HYDIN: variants seen among roughly 807,000 people sequenced by gnomAD.
The protein encoded by HYDIN is axonemal central pair apparatus protein HYDIN.
In HYDIN, 132 loss-of-function variants were observed where a neutral mutation model predicts 403.9. The observed-to-expected ratio is 0.33, with a 90% CI of 0.28 to 0.38. The LOEUF (loss-of-function observed/expected upper bound fraction) is 0.38. Among genes scored for constraint, HYDIN ranks in the 10% least tolerant of loss-of-function variants. The pLI is 1.00. For missense variants in HYDIN, 2,827 were observed against 5,009.5 expected, an observed-to-expected ratio of 0.56 and a Z score of 13.15; for synonymous variants, 1,202 against 1,891.7, an observed-to-expected ratio of 0.64 and a Z score of 9.46.
chr16:71,072,331 T>C (rs1348385824), intron 13 of HYDIN, among the ~76,000 whole-genome samples: 6 of 149,940 alleles, frequency 4.0e-5, no homozygotes, highest in Non-Finnish European at 8.9e-5. Flanking sequence ...TGTGAGTCTC[T>C]GGAATATATG....
rs1405954271 is a variant in HYDIN, at chr16:70,925,942, A to T, written c.7159-4725T>A. On this transcript the variant is annotated intron_variant, in intron 45 of 85. Coordinates refer to ENST00000393567, the MANE Select transcript of HYDIN (RefSeq NM_001270974.2). ...TCTCACACCAGTTAGAATGGCAATC[A>T]TTAAAAAGTCAGGAAACAACAGGTG... Among the ~76,000 whole-genome samples, 16 of 149,390 alleles carry T rather than the reference A, an allele frequency of 1.1e-4. No individual in the cohort carries two copies. In the South Asian group the frequency reaches 3.0e-3, roughly 28 times the overall value.
intron 1 of HYDIN, among the ~76,000 whole-genome samples, chr16:71,225,978 C>T (rs904896237): frequency 2.0e-5 from 3 of 152,136 alleles, no homozygotes; most frequent in Admixed American, 6.5e-5. Context: ...TGCTAAGATG[C>T]CAATTCTCCC....
intron 18 of HYDIN, among the ~76,000 whole-genome samples, chr16:71,054,736 C>T (rs1239345986): frequency 6.6e-6 from 1 of 150,814 alleles, no homozygotes; most frequent in Non-Finnish European, 1.5e-5. Flanking sequence ...TTCTGTTTGT[C>T]TATTTCTTTT....
chr16:70,861,997 C>T (rs1272021659), intron 69 of HYDIN, 51 bp downstream of exon 69: 1 of 1,491,860 alleles, frequency 6.7e-7, no homozygotes, highest in African/African-American at 1.5e-5. Flanking sequence ...ATAAGAGCCA[C>T]AGAGCTTTGT....
chr16:71,230,399 G>C (rs987657576), intron 1 of HYDIN, among the ~76,000 whole-genome samples, 163 bp downstream of exon 1: 1 of 152,158 alleles, frequency 6.6e-6, no homozygotes, highest in Non-Finnish European at 1.5e-5. Context: ...TAACTTTCAT[G>C]GGAGTGAGAA....
chr16:70,967,732 C>T (rs1297252716), intron 36 of HYDIN, among the ~76,000 whole-genome samples: 1 of 152,122 alleles, frequency 6.6e-6, no homozygotes, highest in African/African-American at 2.4e-5. Flanking sequence ...GTGATCCACC[C>T]GCCTTGGCCT....
intron 23 of HYDIN, among the ~76,000 whole-genome samples, chr16:70,997,996 C>G (rs1316299993): frequency 6.6e-6 from 1 of 152,084 alleles, no homozygotes; most frequent in Non-Finnish European, 1.5e-5. Flanking sequence ...TCAGGCCTTG[C>G]ATCTGGGCTT....
chr16:71,209,542 C>G (rs1438426561), intron 1 of HYDIN, among the ~76,000 whole-genome samples: 1 of 151,968 alleles, frequency 6.6e-6, no homozygotes, highest in Non-Finnish European at 1.5e-5. Flanking sequence ...CCAGAGCAAT[C>G]AGGCAAGAGA....
At chr16:70,988,873 GA>G (rs1204367880) in intron 25 of HYDIN, among the ~76,000 whole-genome samples, 5 of 149,628 alleles carry the variant, frequency 3.3e-5, no homozygotes, top group Middle Eastern at 3.4e-3. Flanking sequence ...TCATGTGTCT[GA>G]AGGTGTGTGT....
chr16:71,118,493 A>C (rs1306199253), intron 9 of HYDIN, among the ~76,000 whole-genome samples: 1 of 151,972 alleles, frequency 6.6e-6, no homozygotes, highest in East Asian at 1.9e-4. Context: ...CAGTTTGCAC[A>C]CTGTGTAGTC....
rs1258044581 is a variant in HYDIN at position 70,802,924 on chromosome 16, C to T, written c.*4656G>A. 1.3e-5 allele frequency: 2 copies of T among 152,112 alleles called. No homozygotes were observed. Among genetic ancestry groups the T allele is most frequent in the African/African-American group, 4.8e-5 (2 of 41,412 alleles). The allele number at this position is 152,112 out of a possible 1,614,324, so 9.4% of individuals were successfully genotyped here. On this transcript the variant is annotated 3_prime_UTR_variant, in exon 86 of 86. Coordinates refer to ENST00000393567, the MANE Select transcript of HYDIN (RefSeq NM_001270974.2). ...GTAGTAGTGCTGCCAAGGACATCTC[C>T]AAATGTCTTGCAAAGTTTGGTTTTA...
At chr16:70,885,837 C>T (rs544008907) in intron 58 of HYDIN, among the ~76,000 whole-genome samples, 1 of 152,086 alleles carries the variant, frequency 6.6e-6, no homozygotes, top group African/African-American at 2.4e-5. Flanking sequence ...CAAGTGGAAA[C>T]CACTTGAAAA....
Position 70,868,744 on chromosome 16 carries a change from G to C in HYDIN, c.11136C>G (p.Thr3712=). Reference sequence around the variant, plus strand: ...GGTTGATGGGTACATCTGACTTCATGGTCACCACTATGTCCTTGGCACACC... The same window carrying C: ...GGTTGATGGGTACATCTGACTTCATCGTCACCACTATGTCCTTGGCACACC... The part of the protein sequence containing the change: ...HPGCAKDIVV[T]MKSDVPINLK... The change falls in exon 66 of 86, where the codon ACC becomes ACG. Residue 3712 remains threonine (T), a synonymous_variant. Coordinates refer to ENST00000393567, the MANE Select transcript of HYDIN (RefSeq NM_001270974.2). The C allele has an allele frequency of 1.2e-6, 2 of 1,613,984 alleles. No individual in the cohort carries two copies. The highest frequency in any genetic ancestry group is 1.7e-6 in the Non-Finnish European group (2 of 1,179,990).
intron 1 of HYDIN, among the ~76,000 whole-genome samples, chr16:71,219,475 T>C (rs1411862604): frequency 4.6e-5 from 7 of 152,184 alleles, no homozygotes; most frequent in Non-Finnish European, 1.0e-4. Flanking sequence ...GGATTTGGTA[T>C]TCATATTAAG....
intron 18 of HYDIN, among the ~76,000 whole-genome samples, chr16:71,059,319 T>C (rs2082005619): frequency 6.6e-6 from 1 of 152,026 alleles, no homozygotes; most frequent in South Asian, 2.1e-4. Flanking sequence ...TTTTTGCATA[T>C]GGTGTGAGGA....
intron 57 of HYDIN, among the ~76,000 whole-genome samples, chr16:70,890,098 A>G (rs1449074956): frequency 1.3e-5 from 2 of 152,240 alleles, no homozygotes; most frequent in Non-Finnish European, 2.9e-5. Flanking sequence ...GTATCTTCAC[A>G]TTTATAGTTG....
chr16:70,881,248 G>C (rs1471795731), intron 60 of HYDIN, among the ~76,000 whole-genome samples: 1 of 133,758 alleles, frequency 7.5e-6, no homozygotes, highest in Admixed American at 7.1e-5. Context: ...AAAAAAATCA[G>C]TCTTCCTCAC....
intron 40 of HYDIN, among the ~76,000 whole-genome samples, chr16:70,954,639 T>C (rs2078176070): frequency 6.6e-6 from 1 of 152,108 alleles, no homozygotes; most frequent in South Asian, 2.1e-4. Flanking sequence ...TCCCTCTTAC[T>C]CCTTCAATTC....
chr16:70,833,098 A>C (rs1406001903), intron 79 of HYDIN, 31 bp from the exon 80 acceptor site: 32 of 1,580,230 alleles, frequency 2.0e-5, no homozygotes, highest in Non-Finnish European at 2.8e-5. Flanking sequence ...AAAGAAAGAG[A>C]GTTTATGGAT....
Sources: gnomAD v4.1 joint callset for allele counts (sites outside exome capture counted in the v4.1 genomes callset) on GRCh38, gnomAD v4.1.1 for gene constraint, MANE v1.5 for transcripts, NCBI Gene and HGNC (gene_info 2026-07-23, HGNC 2026-07-21) for gene names.